TRIOBP: variants seen among roughly 807,000 people sequenced by gnomAD.
TRIOBP encodes the protein TRIO and F-actin binding protein, also known as TRIO and F-actin-binding protein.
In TRIOBP, 169 loss-of-function variants were observed where a neutral mutation model predicts 238.8. The ratio of observed to expected loss-of-function variants is 0.71; its 90% CI spans 0.62 to 0.80. The LOEUF (loss-of-function observed/expected upper bound fraction) is 0.80, where lower values mean the gene tolerates loss of function less well. Among genes scored for constraint, TRIOBP ranks in the 30% least tolerant of loss-of-function variants. The pLI is 0.00. For missense variants in TRIOBP, 2,838 were observed against 3,122.6 expected (o/e 0.91, Z 2.17); for synonymous variants, 1,150 against 1,274.4 (o/e 0.90, Z 2.08).
At chr22:37,707,864 C>T (rs1923024503) in intron 3 of TRIOBP, among the ~76,000 whole-genome samples, 1 of 150,060 alleles carries the variant, frequency 6.7e-6, no homozygotes, top group Non-Finnish European at 1.5e-5. Flanking sequence ...ATTGCTTGAA[C>T]CCGGGAGGCA....
At chr22:37,752,878 C>T (rs1416635792) in intron 12 of TRIOBP, among the ~76,000 whole-genome samples, 3 of 152,220 alleles carry the variant, frequency 2.0e-5, no homozygotes, top group Non-Finnish European at 4.4e-5. Context: ...CCTTGGTGCA[C>T]AGACAGGAGA....
At chr22:37,704,296 T>C (rs1292742601) in intron 3 of TRIOBP, among the ~76,000 whole-genome samples, 1 of 152,066 alleles carries the variant, frequency 6.6e-6, no homozygotes, top group Admixed American at 6.6e-5. Context: ...GGTGGGAGAA[T>C]CACCTGAGAC....
At chr22:37,714,285 C>G (rs1412181388) in intron 5 of TRIOBP, among the ~76,000 whole-genome samples, 2 of 152,180 alleles carry the variant, frequency 1.3e-5, no homozygotes, top group Non-Finnish European at 2.9e-5. Context: ...TACATGCCTC[C>G]TAGGTCCGTT....
chr22:37,735,562 C>A, intron 9 of TRIOBP, 120 bp downstream of exon 9: 2 of 1,168,208 alleles, frequency 1.7e-6, no homozygotes, highest in Non-Finnish European at 2.5e-6. Flanking sequence ...CAGGCTCAGA[C>A]CTCAGCCTCC....
At position 37,715,935 on chromosome 22, in the gene TRIOBP, G is replaced by A; in HGVS notation, c.628+1G>A. ...GATGCTGCAGGCCAGAAAAAGGAGG[G>A]TGAGTCCTTCTGCCAGGTTGGTTCC... is the stretch of plus-strand genomic sequence containing the variant. On this transcript the variant is annotated splice_donor_variant, in intron 6 of 23. Coordinates refer to ENST00000644935, the MANE Select transcript of TRIOBP (RefSeq NM_001039141.3). LOFTEE classifies it high-confidence loss of function. 1 of 1,612,402 alleles carries A rather than the reference G, an allele frequency of 6.2e-7. No homozygotes were observed. The highest frequency in any genetic ancestry group is 8.5e-7 in the Non-Finnish European group (1 of 1,179,818).
Position 37,725,048 on chromosome 22 carries a change from A to C in TRIOBP, c.2492A>C (p.Gln831Pro). The change falls in exon 7 of 24, where the codon CAA becomes CCA. Residue 831 changes from glutamine (Q) to proline (P), a missense_variant. Coordinates refer to ENST00000644935, the MANE Select transcript of TRIOBP (RefSeq NM_001039141.3). ...ATCCCCAGATCATCTTCTACCCAAC[A>C]AGACAACCCTAAAACCTCTTGTACC... ...QNIPRSSSTQ[Q>P]DNPKTSCTKR... The C allele has an allele frequency of 6.2e-7, 1 of 1,614,150 alleles. No individual in the cohort carries two copies. Among genetic ancestry groups the C allele is most frequent in the Non-Finnish European group, 8.5e-7 (1 of 1,180,012 alleles).
chr22:37,719,701 T>C (rs1380517127), intron 6 of TRIOBP, among the ~76,000 whole-genome samples: 2 of 152,096 alleles, frequency 1.3e-5, no homozygotes, highest in Non-Finnish European at 2.9e-5. Context: ...TCACTCCTGG[T>C]CTGCCTCCTT....
intron 17 of TRIOBP, among the ~76,000 whole-genome samples, chr22:37,763,441 GA>G (rs1279276173): frequency 6.6e-6 from 1 of 152,132 alleles, no homozygotes; most frequent in Non-Finnish European, 1.5e-5. Flanking sequence ...GTCGCCACAT[GA>G]AGCTCTTGGC....
chr22:37,714,672 A>T (rs56793436), intron 5 of TRIOBP, among the ~76,000 whole-genome samples: 4 of 146,694 alleles, frequency 2.7e-5, no homozygotes, highest in Admixed American at 6.8e-5. Context: ...TTAAATAGAG[A>T]AAAAAAAAAA....
At chr22:37,717,365 G>A (rs928085565) in intron 6 of TRIOBP, among the ~76,000 whole-genome samples, 4 of 152,210 alleles carry the variant, frequency 2.6e-5, no homozygotes, top group South Asian at 2.1e-4. Context: ...GCATGGAAGA[G>A]GACCCGAGCG....
rs1926841417 is a variant in TRIOBP, at chr22:37,772,653, A to T, written c.6989A>T (p.His2330Leu). 1.2e-6 allele frequency: 2 copies of T among 1,614,148 alleles called. No homozygotes were observed. Among genetic ancestry groups the T allele is most frequent in the Non-Finnish European group, 1.7e-6 (2 of 1,180,026 alleles). The change falls in exon 23 of 24, where the codon CAC (histidine) becomes CTC (leucine). Residue 2330 changes from histidine (H) to leucine (L), a missense_variant. His to Leu is a moderately conservative substitution (Grantham distance 99). This residue lies in a region of TRIOBP where 2,096 missense variants were observed against 2,137.4 expected (regional missense o/e 0.98). Transcript: ENST00000644935. ...KYQDVYVELS[H>L]IKTRSEREIE... Reference sequence around the variant, plus strand: ...CAGGACGTCTATGTGGAGCTGAGCCACATCAAGACACGGTCTGAGCGGGAG... The same window carrying T: ...CAGGACGTCTATGTGGAGCTGAGCCTCATCAAGACACGGTCTGAGCGGGAG...
intron 6 of TRIOBP, among the ~76,000 whole-genome samples, chr22:37,719,133 G>A (rs1923693582): frequency 6.6e-6 from 1 of 150,852 alleles, no homozygotes; most frequent in Non-Finnish European, 1.5e-5. Context: ...AACTTGGGAG[G>A]TGGAGGTTGC....
chr22:37,698,445 C>T (rs1293612426), intron 2 of TRIOBP, among the ~76,000 whole-genome samples: 2 of 146,826 alleles, frequency 1.4e-5, no homozygotes, highest in African/African-American at 2.5e-5. Flanking sequence ...CCTCCACCTC[C>T]TGGGTTCAAG....
chr22:37,762,965 C>T (rs2145875788), intron 17 of TRIOBP, among the ~76,000 whole-genome samples: 1 of 152,266 alleles, frequency 6.6e-6, no homozygotes, highest in Non-Finnish European at 1.5e-5. Flanking sequence ...ATTTCTTTAT[C>T]TACTTTGATG....
intron 4 of TRIOBP, among the ~76,000 whole-genome samples, chr22:37,712,695 G>A (rs893238028): frequency 3.0e-4 from 45 of 151,776 alleles, no homozygotes; most frequent in African/African-American, 9.2e-4. Context: ...AGTGGCTCAC[G>A]CCTGTAATCC....
intron 18 of TRIOBP, among the ~76,000 whole-genome samples, chr22:37,767,387 G>C (rs1474389898): frequency 6.6e-6 from 1 of 152,118 alleles, no homozygotes; most frequent in Non-Finnish European, 1.5e-5. Context: ...AAAACCATGG[G>C]TGGCCCTGAG....
At chr22:37,755,500 G>A (rs1206258084) in intron 14 of TRIOBP, 50 bp from the exon 15 acceptor site, 1 of 1,517,646 alleles carries the variant, frequency 6.6e-7, no homozygotes, top group African/African-American at 1.4e-5. Context: ...AGTGGGGAGG[G>A]AGTCATGCGG....
At position 37,757,455 on chromosome 22, in the gene TRIOBP, G is replaced by A. The variant is rs558728807; in HGVS notation, c.5688-158G>A. On this transcript the variant is annotated intron_variant, in intron 15 of 23. Coordinates refer to ENST00000644935, the MANE Select transcript of TRIOBP (RefSeq NM_001039141.3). ...GAGGTGGAGCTGGGATGTTCCTGGG[G>A]TCTGTTAACCAGGAAGCTCAGGTCG... is the stretch of plus-strand genomic sequence containing the variant. Among the ~76,000 whole-genome samples the A allele has an allele frequency of 4.6e-5, 7 of 152,236 alleles. No homozygotes were observed. In the South Asian group the frequency reaches 1.2e-3, roughly 27 times the overall value.
rs530168888 is a variant in TRIOBP, at chr22:37,710,677, G to A, written c.254+111G>A. On this transcript the variant is annotated intron_variant, in intron 4 of 23. Transcript: ENST00000644935. The stretch of plus-strand genomic sequence containing the variant: ...ACCTGTCTCTAATGGCTGCTGGCAT[G>A]GGTCACGTGGTCAGTCCTCTAAACC... The A allele has an allele frequency of 5.0e-5, 71 of 1,430,368 alleles. No homozygotes were observed. The African/African-American group carries it at 8.7e-4, about 18-fold the overall frequency. 88.6% of individuals were successfully genotyped at this position (1,430,368 alleles called of 1,614,324 possible). A position where few individuals can be genotyped will look rare whatever the true frequency, so the allele number is the denominator to read the frequency against.
Sources: allele counts gnomAD v4.1 joint callset (sites outside exome capture counted in the v4.1 genomes callset), GRCh38; gene constraint gnomAD v4.1.1; regional missense constraint gnomAD v4.1.1; transcripts MANE v1.5; gene names NCBI Gene and HGNC (gene_info 2026-07-23, HGNC 2026-07-21).